Variants in ZNRF3 observed in about 807,000 individuals in gnomAD.
ZNRF3 encodes E3 ubiquitin-protein ligase ZNRF3.
Under a neutral mutation model 72.5 loss-of-function variants are expected in ZNRF3, and 23 were observed. The ratio of observed to expected loss-of-function variants is 0.32; its 90% confidence interval spans 0.23 to 0.45. The LOEUF (loss-of-function observed/expected upper bound fraction) is 0.45, where lower values mean the gene tolerates loss of function less well. Ranked by LOEUF, ZNRF3 falls within the 20% of genes least tolerant of loss-of-function variation. ZNRF3 has a pLI of 1.00. For synonymous variants in ZNRF3, 610 were observed against 545.3 expected, an observed-to-expected ratio of 1.12 and a Z score of -1.65; for missense variants, 1,169 against 1,272.1, an observed-to-expected ratio of 0.92 and a Z score of 1.23.
chr22:28,939,646 G>A lies in ZNRF3; in HGVS notation c.301-47430G>A, dbSNP rs151276065. The stretch of plus-strand genomic sequence containing the variant: ...ATTTACATGTTATCCTGTTTGTGCC[G>A]TCTCTCCTCTGCAAGTACTGTTTCT... On this transcript the variant is annotated intron_variant, in intron 1 of 8. Transcript: ENST00000544604. 5.3e-3 allele frequency among the ~76,000 whole-genome samples: 798 copies of A among 151,728 alleles called. 6 individuals are homozygous for A. The highest frequency in any genetic ancestry group is 0.028 in the Middle Eastern group (8 of 290).
At chr22:28,955,756 TAA>T (rs879724130) in intron 1 of ZNRF3, among the ~76,000 whole-genome samples, 8 of 138,894 alleles carry the variant, frequency 5.8e-5, no homozygotes, top group Admixed American at 7.2e-5. Flanking sequence ...CTGTCTCTAT[TAA>T]AAAAAAAAAA....
intron 1 of ZNRF3, among the ~76,000 whole-genome samples, chr22:28,923,916 G>A (rs1482847930): frequency 6.6e-6 from 1 of 152,236 alleles, no homozygotes; most frequent in Non-Finnish European, 1.5e-5. Flanking sequence ...GACCGAGCGG[G>A]CGAGGCCATG....
intron 2 of ZNRF3, among the ~76,000 whole-genome samples, chr22:29,029,872 A>G (rs920570358): frequency 1.3e-5 from 2 of 152,164 alleles, no homozygotes; most frequent in Non-Finnish European, 2.9e-5. Context: ...TTCCTCGTTA[A>G]GCCTGATGCT....
At chr22:29,040,804 G>A (rs1423751346) in intron 2 of ZNRF3, among the ~76,000 whole-genome samples, 2 of 152,180 alleles carry the variant, frequency 1.3e-5, no homozygotes, top group South Asian at 2.1e-4. Flanking sequence ...GTTGTTTTTG[G>A]TACTGTTTGG....
rs916797459 is a variant in ZNRF3, at chr22:29,055,919, T to G, written c.*2297T>G. The G allele has an allele frequency of 1.3e-5, 2 of 152,134 alleles. No individual in the cohort carries two copies. Among genetic ancestry groups the G allele is most frequent in the African/African-American group, 2.4e-5 (1 of 41,428 alleles). The allele number at this position is 152,134 out of a possible 1,614,324, so 9.4% of individuals were successfully genotyped here. ...CTGGAAAACCACCTCTCAATAGCCT[T>G]AAGCAATAAATAGATGAGTAGAGAA... On this transcript the variant is annotated 3_prime_UTR_variant, in exon 9 of 9. Coordinates refer to ENST00000544604, the MANE Select transcript of ZNRF3 (RefSeq NM_001206998.2).
At chr22:29,047,643 G>T (rs913226256) in intron 6 of ZNRF3, among the ~76,000 whole-genome samples, 8 of 152,234 alleles carry the variant, frequency 5.3e-5, no homozygotes, top group African/African-American at 1.7e-4. Context: ...GATCATGAAG[G>T]TTCCATGAGA....
intron 8 of ZNRF3, among the ~76,000 whole-genome samples, chr22:29,051,908 C>G (rs1186546146): frequency 6.6e-6 from 1 of 151,782 alleles, no homozygotes; most frequent in Non-Finnish European, 1.5e-5. Flanking sequence ...AACCTAGGCC[C>G]CATCCCTGTG....
At chr22:29,051,381 G>A (rs990868228) in intron 8 of ZNRF3, among the ~76,000 whole-genome samples, 1 of 152,014 alleles carries the variant, frequency 6.6e-6, no homozygotes, top group Non-Finnish European at 1.5e-5. Flanking sequence ...CCATGGAGTC[G>A]GTTCATGACT....
chr22:28,937,290 C>T (rs563888510), intron 1 of ZNRF3, among the ~76,000 whole-genome samples: 15 of 144,106 alleles, frequency 1.0e-4, no homozygotes, highest in African/African-American at 3.0e-4. Context: ...TGAGATTTAT[C>T]ACTGTAGGGA....
intron 1 of ZNRF3, among the ~76,000 whole-genome samples, chr22:28,981,725 G>A (rs1253328924): frequency 6.6e-6 from 1 of 152,158 alleles, no homozygotes; most frequent in African/African-American, 2.4e-5. Context: ...AGCCGGGTGC[G>A]ATGGCTCATG....
chr22:28,924,064 G>A (rs867663285), intron 1 of ZNRF3, among the ~76,000 whole-genome samples: 31 of 152,256 alleles, frequency 2.0e-4, no homozygotes, highest in African/African-American at 6.5e-4. Flanking sequence ...GGAGCAGCCC[G>A]GATTGATGCC....
chr22:28,974,554 G>GA (rs1356455817), intron 1 of ZNRF3, among the ~76,000 whole-genome samples: 8 of 152,124 alleles, frequency 5.3e-5, no homozygotes, highest in African/African-American at 1.9e-4. Context: ...ATCCAAAAAA[G>GA]AAAAAATCTC....
At chr22:28,986,091 A>G (rs2035850267) in intron 1 of ZNRF3, among the ~76,000 whole-genome samples, 1 of 152,196 alleles carries the variant, frequency 6.6e-6, no homozygotes, top group South Asian at 2.1e-4. Flanking sequence ...CAACCCAGAT[A>G]ATTCAGTAAT....
chr22:29,040,889 T>C (rs1221515107), intron 2 of ZNRF3, among the ~76,000 whole-genome samples: 1 of 152,188 alleles, frequency 6.6e-6, no homozygotes, highest in Non-Finnish European at 1.5e-5. Flanking sequence ...GTGGAGCTAT[T>C]GGTCTAGCTG....
In ZNRF3 at chr22:29,048,357, G is replaced by A. The variant is rs1255190800; in HGVS notation, c.913-32G>A. On this transcript the variant is annotated intron_variant, in intron 6 of 8. Coordinates refer to ENST00000544604, the MANE Select transcript of ZNRF3 (RefSeq NM_001206998.2). This position sits in a 1 kb window ranked among gnomAD's most constrained non-coding sequence, Gnocchi z 4.9. ...AGGAGGACACACCTGCGAGGCTGAA[G>A]GCAGACTTGTGTCCCCTCTCTCCCT... is the stretch of plus-strand genomic sequence containing the variant. 1.3e-6 allele frequency: 2 copies of A among 1,595,842 alleles called. No homozygotes were observed. The highest frequency in any genetic ancestry group is 3.3e-5 in the Admixed American group (2 of 59,726).
intron 2 of ZNRF3, among the ~76,000 whole-genome samples, chr22:29,001,214 G>A (rs766250805): frequency 1.3e-5 from 2 of 149,108 alleles, no homozygotes; most frequent in Non-Finnish European, 3.0e-5. Flanking sequence ...GACTACAGAT[G>A]CCTGCCACCA....
At chr22:29,007,133 C>T (rs748215321) in intron 2 of ZNRF3, among the ~76,000 whole-genome samples, 13 of 152,148 alleles carry the variant, frequency 8.5e-5, no homozygotes, top group Non-Finnish European at 1.3e-4. Context: ...ACTTGAATAA[C>T]GTGTGTGGTC....
chr22:29,053,556 T>C, intron 8 of ZNRF3, 23 bp from the exon 9 acceptor site: 1 of 1,613,234 alleles, frequency 6.2e-7, no homozygotes. Context: ...CCTCCCCTGA[T>C]GATTGTTCTC....
intron 1 of ZNRF3, among the ~76,000 whole-genome samples, chr22:28,976,932 A>G: frequency 1.3e-5 from 2 of 152,324 alleles, no homozygotes; most frequent in Middle Eastern, 6.8e-3. Context: ...GTCAGGCGTG[A>G]GATATACATG....
Sources: allele counts gnomAD v4.1 joint callset (sites outside exome capture counted in the v4.1 genomes callset), GRCh38; gene constraint gnomAD v4.1.1; non-coding constraint Gnocchi (gnomAD v3.1); transcripts MANE v1.5; gene names NCBI Gene and HGNC (gene_info 2026-07-23, HGNC 2026-07-21).